The following EXPH5 variants were observed in gnomAD, a reference collection of about 807,000 sequenced individuals.
The protein encoded by EXPH5 is exophilin-5.
Under a neutral mutation model 41.1 loss-of-function variants are expected in EXPH5, and 42 were observed. That is an observed-to-expected ratio of 1.02 (90% CI 0.80 to 1.32). EXPH5 has a LOEUF of 1.32. EXPH5 is among the 40% of genes most tolerant of loss of function. The probability of loss-of-function intolerance (pLI) is 0.00; values close to 1 mark genes in which losing one functional copy is unlikely to be tolerated. For synonymous variants in EXPH5, 798 were observed against 833.5 expected, an observed-to-expected ratio of 0.96 and a Z score of 0.73; for missense variants, 2,298 against 2,314.5, an observed-to-expected ratio of 0.99 and a Z score of 0.15.
Position 108,551,283 on chromosome 11 carries a change from C to T in EXPH5, c.120-9471G>A, listed in dbSNP as rs117879831. Among the ~76,000 whole-genome samples, 1,403 of 152,292 alleles carry T rather than the reference C, an allele frequency of 9.2e-3. 15 individuals carry two copies. Among genetic ancestry groups the T allele is most frequent in the Non-Finnish European group, 0.011 (763 of 68,026 alleles). On this transcript the variant is annotated intron_variant, in intron 1 of 5. Transcript: ENST00000265843. ...TAAGAAACAATGCAATTGATACAAA[C>T]TTACAGTGACTTTTGCCAATTAAAC...
Position 108,507,728 on chromosome 11 carries a change from G to A in EXPH5, c.*1809C>T, listed in dbSNP as rs2093651921. On this transcript the variant is annotated 3_prime_UTR_variant, in exon 6 of 6. Coordinates refer to ENST00000265843, the MANE Select transcript of EXPH5 (RefSeq NM_015065.3). The stretch of plus-strand genomic sequence containing the variant: ...CTTAGAATTTCCCAAGGGTTTCGTA[G>A]ATGATCCTGCAGCAAAGAATGAATT... 6.6e-6 allele frequency: 1 copy of A among 152,112 alleles called. No homozygotes were observed. The highest frequency in any genetic ancestry group is 1.5e-5 in the Non-Finnish European group (1 of 68,034). 9.4% of individuals were successfully genotyped at this position (152,112 alleles called of 1,614,324 possible).
intron 1 of EXPH5, among the ~76,000 whole-genome samples, chr11:108,559,009 C>G (rs766543196): frequency 3.3e-5 from 5 of 152,146 alleles, no homozygotes; most frequent in Non-Finnish European, 5.9e-5. Flanking sequence ...GCTCAGACCC[C>G]CCTCACCCCA....
At chr11:108,583,550 G>C (rs758251915) in intron 1 of EXPH5, among the ~76,000 whole-genome samples, 26 of 151,954 alleles carry the variant, frequency 1.7e-4, no homozygotes, top group Admixed American at 1.6e-3. Flanking sequence ...GGCCGGGCAT[G>C]GTGGCTTATG....
At chr11:108,542,540 C>T (rs1375261027) in intron 1 of EXPH5, among the ~76,000 whole-genome samples, 2 of 152,212 alleles carry the variant, frequency 1.3e-5, no homozygotes, top group East Asian at 3.9e-4. Context: ...CATTCATTCA[C>T]TTGTTAATTC....
At chr11:108,583,980 T>C (rs572530646) in intron 1 of EXPH5, among the ~76,000 whole-genome samples, 3 of 152,266 alleles carry the variant, frequency 2.0e-5, no homozygotes, top group East Asian at 1.9e-4. Context: ...AGCTAAGTGG[T>C]AGGGTACAAG....
At position 108,538,947 on chromosome 11, in the gene EXPH5, T is replaced by C. The variant is rs774659011; in HGVS notation, c.443+77A>G. On this transcript the variant is annotated intron_variant, in intron 3 of 5. Transcript: ENST00000265843. Reference sequence around the variant, plus strand: ...AAATTCTAAGAACAAACATTAAACATTTTGAACACAAAACAGGCTGCTGGC... The same window carrying C: ...AAATTCTAAGAACAAACATTAAACACTTTGAACACAAAACAGGCTGCTGGC... 3.8e-5 allele frequency: 49 copies of C among 1,276,584 alleles called. No individual in the cohort carries two copies. Among genetic ancestry groups the C allele is most frequent in the Non-Finnish European group, 5.1e-5 (48 of 934,656 alleles). The allele number at this position is 1,276,584 out of a possible 1,614,324, so 79.1% of individuals were successfully genotyped here.
chr11:108,599,041 A>ACG, the EXPH5 span, among the ~76,000 whole-genome samples: 299 of 152,256 alleles, frequency 2.0e-3, 1 homozygote, highest in African/African-American at 6.7e-3. Context: ...AGACGGAGAG[A>ACG]GAGAGAGAGA....
In EXPH5 at chr11:108,514,017, C is replaced by T. The variant is rs778334833; in HGVS notation, c.1490G>A (p.Arg497Lys). The change falls in exon 6 of 6, where the codon AGG (arginine) becomes AAG (lysine). Residue 497 changes from arginine to lysine, a missense_variant. Arg to Lys is a conservative substitution (Grantham distance 26). Coordinates refer to ENST00000265843, the MANE Select transcript of EXPH5 (RefSeq NM_015065.3). ...TCTGTCAGAAGAACTGAATGATTTC[C>T]TGCTTCGATGAAAGTCAGACCAGAA... is the stretch of plus-strand genomic sequence containing the variant. ...HSFWSDFHRSRKSFSSSDRDF... is the reference protein window; with the variant it reads ...HSFWSDFHRSKKSFSSSDRDF... 3.1e-5 allele frequency: 50 copies of T among 1,613,724 alleles called. No homozygotes were observed. Among genetic ancestry groups the T allele is most frequent in the Non-Finnish European group, 1.6e-5 (19 of 1,179,930 alleles).
rs182983554 is a variant in EXPH5, at chr11:108,507,977, G to C, written c.*1560C>G. ...GTTTGAGACCAGCCTGGCCAACCTGGTGAAACTCCAACTCTACTAAAAATA... is the reference window on the plus strand; with the variant it reads ...GTTTGAGACCAGCCTGGCCAACCTGCTGAAACTCCAACTCTACTAAAAATA... On this transcript the variant is annotated 3_prime_UTR_variant, in exon 6 of 6. Coordinates refer to ENST00000265843, the MANE Select transcript of EXPH5 (RefSeq NM_015065.3). The C allele has an allele frequency of 6.0e-5, 8 of 133,830 alleles. No homozygotes were observed. In the East Asian group the frequency reaches 1.3e-3, roughly 22 times the overall value. The allele number at this position is 133,830 out of a possible 1,614,324, so 8.3% of individuals were successfully genotyped here.
chr11:108,553,679 G>A (rs2093978239), intron 1 of EXPH5, among the ~76,000 whole-genome samples: 1 of 152,166 alleles, frequency 6.6e-6, no homozygotes, highest in Non-Finnish European at 1.5e-5. Flanking sequence ...CCAGGGCCTA[G>A]CATAGTCCCA....
intron 1 of EXPH5, among the ~76,000 whole-genome samples, chr11:108,552,635 C>G (rs1324959538): frequency 6.6e-6 from 1 of 152,188 alleles, no homozygotes; most frequent in African/African-American, 2.4e-5. Flanking sequence ...AAAAAATTGA[C>G]CATTGTATGG....
the EXPH5 span, among the ~76,000 whole-genome samples, chr11:108,599,876 G>A: frequency 6.6e-6 from 1 of 152,200 alleles, no homozygotes; most frequent in Non-Finnish European, 1.5e-5. Flanking sequence ...GTCGACCTGA[G>A]AGAAGGAATG....
intron 1 of EXPH5, among the ~76,000 whole-genome samples, chr11:108,578,604 T>C (rs983351179): frequency 1.3e-5 from 2 of 152,208 alleles, no homozygotes; most frequent in Admixed American, 1.3e-4. Flanking sequence ...TTGCATTGAT[T>C]CTATAGATCA....
At chr11:108,591,783 T>C (rs1457930912) in intron 1 of EXPH5, among the ~76,000 whole-genome samples, 1 of 152,156 alleles carries the variant, frequency 6.6e-6, no homozygotes, top group Non-Finnish European at 1.5e-5. Context: ...GCAGTGGGCA[T>C]CGTGAGTTGC....
At chr11:108,601,070 C>T in the EXPH5 span, among the ~76,000 whole-genome samples, 4,474 of 152,202 alleles carry the variant, frequency 0.029, 229 homozygotes, top group African/African-American at 0.1. Context: ...ATATTCCTAC[C>T]GGAGTGAAAT....
chr11:108,587,596 A>G (rs75942285), intron 1 of EXPH5, among the ~76,000 whole-genome samples: 16,842 of 152,226 alleles, frequency 0.11, 1,063 homozygotes, highest in East Asian at 0.28. Flanking sequence ...GCAGAAAAAC[A>G]TTTAGACATT....
intron 1 of EXPH5, among the ~76,000 whole-genome samples, chr11:108,561,673 T>C (rs551605450): frequency 1.8e-4 from 27 of 152,314 alleles, no homozygotes; most frequent in Non-Finnish European, 3.7e-4. Flanking sequence ...TTGTTCTATT[T>C]TGGAGAGTGA....
At chr11:108,566,862 G>A (rs1342134505) in intron 1 of EXPH5, among the ~76,000 whole-genome samples, 1 of 152,120 alleles carries the variant, frequency 6.6e-6, no homozygotes, top group Admixed American at 6.6e-5. Flanking sequence ...TCCTTTTGTG[G>A]TCTTTTGCCG....
Position 108,509,910 on chromosome 11 carries a change from T to G in EXPH5, c.5597A>C (p.Tyr1866Ser), listed in dbSNP as rs555289782. Residue 1866 changes from tyrosine to serine, a missense_variant, in exon 6 of 6, where the codon TAT (tyrosine) becomes TCT (serine). By Grantham distance (144) the Tyr-to-Ser change is moderately radical. Coordinates refer to ENST00000265843, the MANE Select transcript of EXPH5 (RefSeq NM_015065.3). ...PSCDGNESWAYRSGTKTGPRS... is the reference protein window; with the variant it reads ...PSCDGNESWASRSGTKTGPRS... The stretch of plus-strand genomic sequence containing the variant: ...GGGACCTGTTTTTGTCCCGCTGCGA[T>G]AAGCCCAACTTTCATTTCCATCACA... 3.7e-6 allele frequency: 6 copies of G among 1,609,466 alleles called. No individual in the cohort carries two copies. In the East Asian group the frequency reaches 1.1e-4, roughly 30 times the overall value.
Sources: allele counts gnomAD v4.1 joint callset (sites outside exome capture counted in the v4.1 genomes callset), GRCh38; gene constraint gnomAD v4.1.1; transcripts MANE v1.5; gene names NCBI Gene and HGNC (gene_info 2026-07-23, HGNC 2026-07-21).